RANBP2: variants seen among roughly 807,000 people sequenced by gnomAD.
The protein encoded by RANBP2 is RAN binding protein 2.
RANBP2 carries 57 observed loss-of-function variants against 303.6 expected under a neutral mutation model. The ratio of observed to expected loss-of-function variants is 0.19; its 90% CI spans 0.15 to 0.23. The LOEUF (loss-of-function observed/expected upper bound fraction) is 0.23. Among genes scored for constraint, RANBP2 ranks in the 10% least tolerant of loss-of-function variants. The pLI is 1.00. For missense variants in RANBP2, 3,138 were observed against 3,780.8 expected (o/e 0.83, Z 4.46); for synonymous variants, 1,167 against 1,301.5 (o/e 0.90, Z 2.23).
At chr2:108,827,591 C>CG in the RANBP2 span, among the ~76,000 whole-genome samples, 3 of 151,926 alleles carry the variant, frequency 2.0e-5, no homozygotes, top group African/African-American at 7.2e-5. Flanking sequence ...CCAAGGTGGG[C>CG]GGATCACGAG....
chr2:108,958,492 C>G, the RANBP2 span, among the ~76,000 whole-genome samples: 933 of 152,062 alleles, frequency 6.1e-3, 12 homozygotes, highest in African/African-American at 0.022. Context: ...CACAAGGGTG[C>G]GTTTGTTCAG....
the RANBP2 span, among the ~76,000 whole-genome samples, chr2:108,967,624 G>C: frequency 6.6e-6 from 1 of 152,208 alleles, no homozygotes; most frequent in Non-Finnish European, 1.5e-5. Flanking sequence ...ATGCCTGACA[G>C]AGTGTGTCTT....
At chr2:108,923,323 C>T in the RANBP2 span, 13 of 1,575,572 alleles carry the variant, frequency 8.3e-6, no homozygotes, top group East Asian at 4.5e-5. Flanking sequence ...GAAAGGGATC[C>T]GTGCTGAACA....
the RANBP2 span, among the ~76,000 whole-genome samples, chr2:109,625,084 CAACAAAAAAA>C: frequency 1.6e-5 from 1 of 61,914 alleles, no homozygotes; most frequent in African/African-American, 8.9e-5. Flanking sequence ...ACAACAACAA[CAACAAAAAAA>C]AAAAAAAAAA....
At chr2:108,990,154 G>C in the RANBP2 span, among the ~76,000 whole-genome samples, 5 of 152,174 alleles carry the variant, frequency 3.3e-5, no homozygotes, top group Non-Finnish European at 5.9e-5. Context: ...AAATTAGGCC[G>C]GGCGCGGTGG....
At chr2:108,856,291 A>G in the RANBP2 span, among the ~76,000 whole-genome samples, 1 of 50,208 alleles carries the variant, frequency 2.0e-5, no homozygotes, top group African/African-American at 8.1e-5. Context: ...AGCATATTCA[A>G]TCTTCTGAAA....
At chr2:109,466,207 C>T in the RANBP2 span, among the ~76,000 whole-genome samples, 13 of 151,780 alleles carry the variant, frequency 8.6e-5, no homozygotes, top group East Asian at 7.8e-4. Context: ...CTCAGCCTCC[C>T]GAGTAGCTGG....
the RANBP2 span, among the ~76,000 whole-genome samples, chr2:109,126,609 C>A: frequency 6.6e-6 from 1 of 152,098 alleles, no homozygotes; most frequent in African/African-American, 2.4e-5. Context: ...GATTTGACCG[C>A]ATTTTCTGTC....
At chr2:108,984,878 C>T in the RANBP2 span, among the ~76,000 whole-genome samples, 5 of 152,176 alleles carry the variant, frequency 3.3e-5, no homozygotes, top group Non-Finnish European at 7.3e-5. Context: ...TGAATGTGCA[C>T]TAAAACCAAC....
the RANBP2 span, among the ~76,000 whole-genome samples, chr2:109,471,515 G>A: frequency 2.0e-5 from 3 of 152,128 alleles, no homozygotes; most frequent in Admixed American, 6.5e-5. Flanking sequence ...TTGACACATG[G>A]GGATTACAAT....
chr2:109,104,932 C>CA, the RANBP2 span, among the ~76,000 whole-genome samples: 1 of 152,182 alleles, frequency 6.6e-6, no homozygotes, highest in African/African-American at 2.4e-5. Context: ...GAGGCACTGT[C>CA]ATGACCCCGG....
the RANBP2 span, among the ~76,000 whole-genome samples, chr2:109,074,469 G>T: frequency 6.6e-6 from 1 of 150,776 alleles, no homozygotes; most frequent in Admixed American, 6.6e-5. Flanking sequence ...GGAGGCCAAG[G>T]CAGGTAGATC....
the RANBP2 span, chr2:109,614,226 C>A: frequency 1.1e-6 from 1 of 902,564 alleles, no homozygotes; most frequent in Non-Finnish European, 1.4e-6. Flanking sequence ...TGAGGCGAGG[C>A]CGCCCTAGGT....
chr2:109,720,944 C>T, the RANBP2 span, among the ~76,000 whole-genome samples: 1 of 152,174 alleles, frequency 6.6e-6, no homozygotes, highest in Non-Finnish European at 1.5e-5. Context: ...CTAGGCCTCT[C>T]CTCACCCAGC....
In RANBP2 at chr2:108,782,556, AG is replaced by A; in HGVS notation, c.9064del (p.Val3022Ter). 1 of 1,614,226 alleles carries A rather than the reference AG, an allele frequency of 6.2e-7. No homozygotes were observed. The highest frequency in any genetic ancestry group is 8.5e-7 in the Non-Finnish European group (1 of 1,180,036). ...GAGAAGCAAAAGTAGAACAGCTTGCAGTGAGATTTAAAACTAAAGAAGTAGC... is the reference window on the plus strand; with the variant it reads ...GAGAAGCAAAAGTAGAACAGCTTGCATGAGATTTAAAACTAAAGAAGTAGC... ...DGEAKVEQLA[V>X]RFKTKEVADC... On this transcript the variant is annotated frameshift_variant, in exon 28 of 29. Transcript: ENST00000283195. LOFTEE classifies it high-confidence loss of function.
chr2:109,218,154 TAA>T, the RANBP2 span, among the ~76,000 whole-genome samples: 22 of 148,982 alleles, frequency 1.5e-4, no homozygotes, highest in Admixed American at 6.7e-4. Context: ...TCTGTTCTAT[TAA>T]AAAAAAAAAA....
the RANBP2 span, among the ~76,000 whole-genome samples, chr2:108,890,856 G>A: frequency 6.6e-6 from 1 of 152,012 alleles, no homozygotes; most frequent in African/African-American, 2.4e-5. Flanking sequence ...TACTCATTCT[G>A]TTTTATTCTT....
chr2:109,655,758 A>G, the RANBP2 span, among the ~76,000 whole-genome samples: 2 of 152,234 alleles, frequency 1.3e-5, no homozygotes, highest in African/African-American at 4.8e-5. Context: ...GCCTGGGAAC[A>G]AAAAGAACAC....
At chr2:109,132,389 G>A in the RANBP2 span, among the ~76,000 whole-genome samples, 1 of 152,182 alleles carries the variant, frequency 6.6e-6, no homozygotes, top group African/African-American at 2.4e-5. Context: ...ACACAAAACA[G>A]TGTTTTCCTG....
Sources: gnomAD v4.1 joint callset for allele counts (sites outside exome capture counted in the v4.1 genomes callset) on GRCh38, gnomAD v4.1.1 for gene constraint, MANE v1.5 for transcripts, NCBI Gene and HGNC (gene_info 2026-07-23, HGNC 2026-07-21) for gene names.